ZNF850: variants seen among roughly 807,000 people sequenced by gnomAD.
ZNF850 encodes zinc finger protein 850.
ZNF850 carries 2 observed loss-of-function variants against 11.9 expected under a neutral mutation model. The ratio of observed to expected loss-of-function variants is 0.17; its 90% CI spans 0.07 to 0.53. The LOEUF is 0.53. Among genes scored for constraint, ZNF850 ranks in the 20% least tolerant of loss-of-function variants. The pLI, the probability that ZNF850 is intolerant of heterozygous loss-of-function variation, is 0.94. For missense variants in ZNF850, 1,014 were observed against 1,316.4 expected, an observed-to-expected ratio of 0.77 and a Z score of 3.55; for synonymous variants, 381 against 443.0, an observed-to-expected ratio of 0.86 and a Z score of 1.76.
chr19:36,760,763 G>A lies in ZNF850; in HGVS notation c.235+880C>T, dbSNP rs141642263. Among the ~76,000 whole-genome samples, 925 of 151,994 alleles carry A rather than the reference G, an allele frequency of 6.1e-3. 7 individuals carry two copies. Among genetic ancestry groups the A allele is most frequent in the Non-Finnish European group, 0.011 (721 of 67,974 alleles). ...GCCTGTAGTCCCAGCTACTCAAGAG[G>A]CTGAGGCAGGAGAATTACTTGAACC... On this transcript the variant is annotated intron_variant, in intron 4 of 4. Transcript: ENST00000591344.
In ZNF850 at chr19:36,750,092, T is replaced by C; in HGVS notation, c.948A>G (p.Lys316=). The C allele has an allele frequency of 6.5e-7, 1 of 1,538,754 alleles. No individual in the cohort carries two copies. Among genetic ancestry groups the C allele is most frequent in the Non-Finnish European group, 8.7e-7 (1 of 1,146,974 alleles). The change falls in exon 5 of 5, where the codon AAA becomes AAG. Residue 316 remains lysine (K), a synonymous_variant. Coordinates refer to ENST00000591344, the MANE Select transcript of ZNF850 (RefSeq NM_001193552.2). ...EKPYHCKQCG[K]SFTVGSTLIR... ...TTAGTGTTGAGCCAACAGTAAAAGA[T>C]TTTCCACATTGCTTACAATGATAGG...
intron 4 of ZNF850, among the ~76,000 whole-genome samples, chr19:36,755,193 T>G (rs1467268409): frequency 6.6e-6 from 1 of 152,084 alleles, no homozygotes; most frequent in Non-Finnish European, 1.5e-5. Flanking sequence ...TACAAAAGCT[T>G]ATGGGTTAAA....
rs755506135 is a variant in ZNF850 at position 36,747,797 on chromosome 19, AGTAAGCTGT to A, written c.3234_3242del (p.Gln1079_Thr1081del). On this transcript the variant is annotated inframe_deletion, in exon 5 of 5. Transcript: ENST00000591344. Reference sequence around the variant, plus strand: ...TTAGGTCATGAATTCTCTGATGTCGAGTAAGCTGTGTAAGCTGTTTAAAGGCCTTCCCAC... The same window carrying A: ...TTAGGTCATGAATTCTCTGATGTCGAGTAAGCTGTTTAAAGGCCTTCCCAC... 6.5e-7 allele frequency: 1 copy of A among 1,542,072 alleles called. No homozygotes were observed. Among genetic ancestry groups the A allele is most frequent in the Middle Eastern group, 1.7e-4 (1 of 5,934 alleles).
At position 36,762,408 on chromosome 19, in the gene ZNF850, C is replaced by T. The variant is rs1305244311; in HGVS notation, c.36G>A (p.Leu12=). ...ATTCCTCCTGAGAGAAGTCTATAGA[C>T]AGATCCTGGAACATGACCAACCCCT... The part of the protein sequence containing the change: ...NMEGLVMFQD[L]SIDFSQEEWE... The change falls in exon 3 of 5, where the codon CTG becomes CTA. Residue 12 remains leucine (L), a synonymous_variant. Coordinates refer to ENST00000591344, the MANE Select transcript of ZNF850 (RefSeq NM_001193552.2). The T allele has an allele frequency of 6.3e-7, 1 of 1,577,836 alleles. No homozygotes were observed. Among genetic ancestry groups the T allele is most frequent in the South Asian group, 1.1e-5 (1 of 88,030 alleles).
intron 1 of ZNF850, among the ~76,000 whole-genome samples, chr19:36,768,310 C>T (rs1812340011): frequency 6.6e-6 from 1 of 151,886 alleles, no homozygotes; most frequent in Non-Finnish European, 1.5e-5. Flanking sequence ...ATAAAATCAT[C>T]AATTTTTTTA....
intron 1 of ZNF850, among the ~76,000 whole-genome samples, chr19:36,770,134 A>G (rs1390526284): frequency 6.6e-6 from 1 of 152,186 alleles, no homozygotes; most frequent in Non-Finnish European, 1.5e-5. Context: ...CAGAGCCTCC[A>G]TGCCCTCCCT....
At chr19:36,759,684 T>G (rs1390822012) in intron 4 of ZNF850, among the ~76,000 whole-genome samples, 1 of 152,152 alleles carries the variant, frequency 6.6e-6, no homozygotes, top group Non-Finnish European at 1.5e-5. Flanking sequence ...TTTCTACTTT[T>G]GTGTATGTTC....
intron 4 of ZNF850, among the ~76,000 whole-genome samples, chr19:36,755,623 G>A (rs888783184): frequency 2.6e-5 from 4 of 151,126 alleles, no homozygotes; most frequent in Non-Finnish European, 4.4e-5. Context: ...CTCTGTGGAC[G>A]AAATCAACCT....
rs3108592 is a variant in ZNF850 at position 36,747,529 on chromosome 19, G to T, written c.*238C>A. The T allele has an allele frequency of 1.8e-4, 62 of 349,734 alleles. No individual in the cohort carries two copies. The highest frequency in any genetic ancestry group is 8.5e-4 in the Admixed American group (20 of 23,460). 21.7% of individuals were successfully genotyped at this position (349,734 alleles called of 1,614,324 possible). ...CAGGTACCTGTAGTCCCAGCTACTAGGGAGGCTGAGGCAGGAGAATGGCAT... is the reference window on the plus strand; with the variant it reads ...CAGGTACCTGTAGTCCCAGCTACTATGGAGGCTGAGGCAGGAGAATGGCAT... On this transcript the variant is annotated 3_prime_UTR_variant, in exon 5 of 5. Transcript: ENST00000591344.
In ZNF850 at chr19:36,748,987, G is replaced by A. The variant is rs759783399; in HGVS notation, c.2053C>T (p.Arg685Cys). 2.7e-5 allele frequency: 43 copies of A among 1,604,680 alleles called. No homozygotes were observed. The highest frequency in any genetic ancestry group is 1.2e-4 in the African/African-American group (9 of 74,762). The change falls in exon 5 of 5, where the codon CGT (arginine) becomes TGT (cysteine). Residue 685 changes from arginine to cysteine, a missense_variant. Coordinates refer to ENST00000591344, the MANE Select transcript of ZNF850 (RefSeq NM_001193552.2). ...CTCCGATGTTGATTAAGGTATGTAC[G>A]CTGTCTAAAGGCCTTCCCACAGTCC... The part of the protein sequence containing the change: ...CPDCGKAFRQ[R>C]TYLNQHRRIH...
rs1235067635 is a variant in ZNF850, at chr19:36,747,574, T to C, written c.*193A>G. On this transcript the variant is annotated 3_prime_UTR_variant, in exon 5 of 5. Transcript: ENST00000591344. ...TGGCATGAACCCAGGAGGCAGAGCT[T>C]GCAGTGAGCCGAGATAGCGCCACTG... 1 of 490,116 alleles carries C rather than the reference T, an allele frequency of 2.0e-6. No homozygotes were observed. Among genetic ancestry groups the C allele is most frequent in the East Asian group, 3.4e-5 (1 of 29,398 alleles). 30.4% of individuals were successfully genotyped at this position (490,116 alleles called of 1,614,324 possible). A position where few individuals can be genotyped will look rare whatever the true frequency, so the allele number is the denominator to read the frequency against.
intron 4 of ZNF850, among the ~76,000 whole-genome samples, chr19:36,753,417 T>C (rs1246724211): frequency 6.0e-5 from 2 of 33,210 alleles, no homozygotes; most frequent in Admixed American, 3.1e-4. Flanking sequence ...CCTGGGACAC[T>C]GTCTCAAAAA....
In ZNF850 at chr19:36,750,045, G is replaced by T; in HGVS notation, c.995C>A (p.Thr332Asn). 1 of 1,541,552 alleles carries T rather than the reference G, an allele frequency of 6.5e-7. No homozygotes were observed. The highest frequency in any genetic ancestry group is 2.4e-5 in the East Asian group (1 of 40,956). Reference protein sequence around the residue: ...STLIRHQQIHTGEKPYDCKEC... With the variant: ...STLIRHQQIHNGEKPYDCKEC... ...CTTACAATCATACGGTTTCTCACCA[G>T]TGTGAATTTGCTGGTGTCGAATTAG... is the stretch of plus-strand genomic sequence containing the variant. Residue 332 changes from threonine (T) to asparagine (N), a missense_variant, in exon 5 of 5, where the codon ACT becomes AAT. Coordinates refer to ENST00000591344, the MANE Select transcript of ZNF850 (RefSeq NM_001193552.2).
chr19:36,764,693 A>G (rs2040539005), intron 1 of ZNF850, among the ~76,000 whole-genome samples: 1 of 150,946 alleles, frequency 6.6e-6, no homozygotes, highest in East Asian at 1.9e-4. Flanking sequence ...GCAAGTGGCT[A>G]ACAAGCTGTG....
intron 4 of ZNF850, among the ~76,000 whole-genome samples, chr19:36,759,411 G>C (rs145391418): frequency 6.6e-6 from 1 of 152,124 alleles, no homozygotes; most frequent in Non-Finnish European, 1.5e-5. Context: ...GGAGGTCAAG[G>C]CTGCAGTGAG....
At chr19:36,752,245 T>G (rs1217819624) in intron 4 of ZNF850, among the ~76,000 whole-genome samples, 1 of 152,178 alleles carries the variant, frequency 6.6e-6, no homozygotes, top group Non-Finnish European at 1.5e-5. Flanking sequence ...TAAATACCAT[T>G]TCTTACTACA....
intron 1 of ZNF850, among the ~76,000 whole-genome samples, chr19:36,768,588 T>C (rs1172293907): frequency 6.6e-6 from 1 of 152,160 alleles, no homozygotes; most frequent in Non-Finnish European, 1.5e-5. Flanking sequence ...TATATTGTAA[T>C]CTCTGTCTTT....
chr19:36,768,325 A>G (rs1439606364), intron 1 of ZNF850, among the ~76,000 whole-genome samples: 1 of 152,148 alleles, frequency 6.6e-6, no homozygotes, highest in Non-Finnish European at 1.5e-5. Context: ...TTTTTAAAAG[A>G]GAAATTTTGA....
intron 4 of ZNF850, among the ~76,000 whole-genome samples, chr19:36,759,672 C>T (rs557592209): frequency 3.0e-4 from 46 of 152,082 alleles, no homozygotes; most frequent in Non-Finnish European, 5.4e-4. Context: ...ATTACACCAT[C>T]CTTTCTACTT....
Sources: allele counts gnomAD v4.1 joint callset (sites outside exome capture counted in the v4.1 genomes callset), GRCh38; gene constraint gnomAD v4.1.1; transcripts MANE v1.5; gene names NCBI Gene and HGNC (gene_info 2026-07-23, HGNC 2026-07-21).